The following SYMPK variants were observed in gnomAD, a reference collection of about 807,000 sequenced individuals.
SYMPK encodes the protein symplekin.
In SYMPK, 49 loss-of-function variants were observed where a neutral mutation model predicts 136.4. That is an observed-to-expected ratio of 0.36 (90% CI 0.29 to 0.46). The LOEUF is 0.46. SYMPK is among the 20% of genes least tolerant of loss of function. The pLI is 1.00. For synonymous variants in SYMPK, 766 were observed against 713.0 expected (o/e 1.07, Z -1.19); for missense variants, 1,365 against 1,690.0 (o/e 0.81, Z 3.37).
In SYMPK at chr19:45,816,054, C is replaced by T; in HGVS notation, c.3484G>A (p.Gly1162Arg). 3 of 1,565,626 alleles carry T rather than the reference C, an allele frequency of 1.9e-6. No homozygotes were observed. The highest frequency in any genetic ancestry group is 1.3e-5 in the African/African-American group (1 of 74,088). The stretch of plus-strand genomic sequence containing the variant: ...GAAGAGGAGGGGGCTCCCACTCCTC[C>T]CGGCTTCAGCTTCTGTTCCTCCTCC... ...QLEEEQKLKP[G>R]GVGAPSSSSP... Residue 1162 changes from glycine (G) to arginine (R), a missense_variant, in exon 26 of 27, where the codon GGA becomes AGA. Coordinates refer to ENST00000245934, the MANE Select transcript of SYMPK (RefSeq NM_004819.3).
intron 18 of SYMPK, among the ~76,000 whole-genome samples, 161 bp downstream of exon 18, chr19:45,825,010 G>A (rs1383177669): frequency 6.6e-6 from 1 of 152,206 alleles, no homozygotes; most frequent in Admixed American, 6.5e-5. Context: ...CCTCAGGAGT[G>A]ACATGCGGAC....
intron 9 of SYMPK, among the ~76,000 whole-genome samples, chr19:45,840,051 A>G (rs1053423120): frequency 6.6e-6 from 1 of 152,084 alleles, no homozygotes; most frequent in Non-Finnish European, 1.5e-5. Flanking sequence ...TCCTGATCCC[A>G]TGTACTGAGG....
chr19:45,825,479 A>G (rs1971020678), intron 17 of SYMPK, 148 bp from the exon 18 acceptor site: 7 of 1,000,606 alleles, frequency 7.0e-6, no homozygotes, highest in Non-Finnish European at 1.0e-5. Context: ...GGGCAGGGAA[A>G]TGGCGGGGAC....
chr19:45,852,482 A>G lies in SYMPK; in HGVS notation c.225T>C (p.Asp75=). The G allele has an allele frequency of 6.2e-7, 1 of 1,614,160 alleles. No individual in the cohort carries two copies. Among genetic ancestry groups the G allele is most frequent in the Non-Finnish European group, 8.5e-7 (1 of 1,180,020 alleles). ...KDPTLLDNFL[D]EIIAFQADKS... ...CCTTTCTCTTCTGTCAGTCACTCAC[A>G]TCCAGGAAGTTGTCCAGTAGTGTGG... The change falls in exon 4 of 27, where the codon GAT becomes GAC. Residue 75 remains aspartate (D), a splice_region_variant and synonymous_variant. Coordinates refer to ENST00000245934, the MANE Select transcript of SYMPK (RefSeq NM_004819.3).
At chr19:45,822,115 CTTTTTTTT>C (rs141894331) in intron 21 of SYMPK, among the ~76,000 whole-genome samples, 1 of 86,120 alleles carries the variant, frequency 1.2e-5, no homozygotes, top group African/African-American at 4.6e-5. Context: ...AGTTTTGCTT[CTTTTTTTT>C]TTTTTTTTTT....
At chr19:45,834,986 A>G in intron 11 of SYMPK, 92 bp downstream of exon 11, 2 of 1,260,070 alleles carry the variant, frequency 1.6e-6, no homozygotes, top group Non-Finnish European at 1.1e-6. Context: ...ATGATTTTCA[A>G]CTGCACCACG....
chr19:45,821,416 G>A lies in SYMPK; in HGVS notation c.2861C>T (p.Ser954Phe). ...ELLIALHNID[S>F]VKCDMKSIIK... ...GATGGATTTCATGTCGCACTTCACG[G>A]AGTCAATGTTGTGTAATGCGATCAG... Residue 954 changes from serine (S) to phenylalanine (F), a missense_variant, in exon 22 of 27, where the codon TCC becomes TTC. Around this residue, in one of 11 missense-constraint regions of SYMPK, gnomAD observed 156 missense variants for 217.8 expected, o/e 0.72. Coordinates refer to ENST00000245934, the MANE Select transcript of SYMPK (RefSeq NM_004819.3). The surrounding 1 kb of genome is among the most constrained non-coding windows in gnomAD (Gnocchi z 4.4). 1 of 1,614,130 alleles carries A rather than the reference G, an allele frequency of 6.2e-7. No individual in the cohort carries two copies. Among genetic ancestry groups the A allele is most frequent in the Non-Finnish European group, 8.5e-7 (1 of 1,180,022 alleles).
intron 23 of SYMPK, 147 bp downstream of exon 23, chr19:45,817,812 A>G: frequency 1.2e-6 from 1 of 824,210 alleles, no homozygotes; most frequent in South Asian, 1.8e-5. Flanking sequence ...TACACCCTGG[A>G]GCACTGCTAT....
At chr19:45,852,640 A>G (rs1971724696) in intron 3 of SYMPK, 105 bp from the exon 4 acceptor site, 1 of 1,353,482 alleles carries the variant, frequency 7.4e-7, no homozygotes, top group Non-Finnish European at 1.1e-6. Context: ...GCTAGGCAGC[A>G]GATACACTCA....
chr19:45,851,821 C>G (rs967701245), intron 5 of SYMPK, among the ~76,000 whole-genome samples: 10 of 152,134 alleles, frequency 6.6e-5, no homozygotes, highest in African/African-American at 2.4e-4. Flanking sequence ...TTGCAGTGAG[C>G]CGAGATTGCG....
intron 8 of SYMPK, chr19:45,842,742 T>C (rs1971472777): frequency 4.2e-6 from 2 of 476,710 alleles, no homozygotes; most frequent in South Asian, 5.9e-5. Flanking sequence ...AATTTCGTCC[T>C]CCTCCATCTC....
intron 18 of SYMPK, 128 bp from the exon 19 acceptor site, chr19:45,824,003 G>A (rs535032394): frequency 5.5e-6 from 3 of 546,014 alleles, no homozygotes; most frequent in Non-Finnish European, 9.9e-6. Flanking sequence ...GGGTTTGGAG[G>A]GCGGGGGAAA....
chr19:45,830,366 G>A (rs1445852570), intron 12 of SYMPK, 162 bp from the exon 13 acceptor site: 3 of 827,538 alleles, frequency 3.6e-6, no homozygotes, highest in Non-Finnish European at 5.5e-6. Flanking sequence ...GTGTGGCGGT[G>A]GGTAAGAGGA....
chr19:45,829,842 T>C (rs1971127495), intron 13 of SYMPK, among the ~76,000 whole-genome samples: 1 of 152,202 alleles, frequency 6.6e-6, no homozygotes, highest in East Asian at 1.9e-4. Context: ...CTGTGCTCAT[T>C]GCACATTTCC....
chr19:45,849,517 A>T (rs1467143488), intron 5 of SYMPK, among the ~76,000 whole-genome samples: 1 of 152,230 alleles, frequency 6.6e-6, no homozygotes, highest in Admixed American at 6.5e-5. Flanking sequence ...AATCTGAAAT[A>T]TTAATTAAAT....
intron 13 of SYMPK, 56 bp from the exon 14 acceptor site, chr19:45,829,261 C>T: frequency 6.8e-7 from 1 of 1,468,694 alleles, no homozygotes; most frequent in Non-Finnish European, 9.4e-7. Flanking sequence ...AGGGACTCCG[C>T]AATCGTGCCC....
intron 18 of SYMPK, among the ~76,000 whole-genome samples, chr19:45,824,595 G>A (rs1004834296): frequency 6.6e-6 from 1 of 152,172 alleles, no homozygotes; most frequent in Non-Finnish European, 1.5e-5. Flanking sequence ...TCACGAAAAT[G>A]TTCTGTAATC....
chr19:45,834,564 C>T (rs1971260095), intron 11 of SYMPK, among the ~76,000 whole-genome samples: 1 of 151,996 alleles, frequency 6.6e-6, no homozygotes, highest in Admixed American at 6.5e-5. Flanking sequence ...GACTTGGATC[C>T]CATCCCTAAG....
chr19:45,848,733 G>T lies in SYMPK; in HGVS notation c.426+17C>A. 6.2e-7 allele frequency: 1 copy of T among 1,613,064 alleles called. No homozygotes were observed. The highest frequency in any genetic ancestry group is 1.1e-5 in the South Asian group (1 of 91,028). ...CATATCAGGCAGGATGGCCCTGGGT[G>T]GGGAGGGCGCTCTCACCTGCAGGGC... is the stretch of plus-strand genomic sequence containing the variant. On this transcript the variant is annotated intron_variant, in intron 6 of 26. Coordinates refer to ENST00000245934, the MANE Select transcript of SYMPK (RefSeq NM_004819.3).
Sources: allele counts gnomAD v4.1 joint callset (sites outside exome capture counted in the v4.1 genomes callset), GRCh38; gene constraint gnomAD v4.1.1; regional missense constraint gnomAD v4.1.1; non-coding constraint Gnocchi (gnomAD v3.1); transcripts MANE v1.5; gene names NCBI Gene and HGNC (gene_info 2026-07-23, HGNC 2026-07-21).